The following LRCH3 variants were observed in gnomAD, a reference collection of about 807,000 sequenced individuals.
The protein encoded by LRCH3 is leucine rich repeats and calponin homology domain containing 3, also known as DISP complex protein LRCH3.
A neutral mutation model predicts 104.5 loss-of-function variants in LRCH3; 68 were observed. The observed-to-expected ratio is 0.65, with a 90% CI of 0.54 to 0.80. LRCH3 has a LOEUF of 0.80. LRCH3 is among the 30% of genes least tolerant of loss of function. The pLI is 0.00. For synonymous variants in LRCH3, 344 were observed against 361.3 expected (o/e 0.95, Z 0.54); for missense variants, 951 against 953.9 (o/e 1.00, Z 0.04).
intron 1 of LRCH3, among the ~76,000 whole-genome samples, chr3:197,799,013 C>G (rs6805176): frequency 0.036 from 5,475 of 152,176 alleles, 164 homozygotes; most frequent in African/African-American, 0.077. Context: ...ACGTTAGACT[C>G]CCCTGAGATT....
chr3:197,831,742 TG>T (rs1218390441), intron 7 of LRCH3, among the ~76,000 whole-genome samples: 2 of 151,748 alleles, frequency 1.3e-5, no homozygotes, highest in Non-Finnish European at 2.9e-5. Flanking sequence ...CTAAACCTCC[TG>T]AGTAGCTGGG....
At position 197,840,267 on chromosome 3, in the gene LRCH3, G is replaced by A. The variant is rs530544594; in HGVS notation, c.1328+870G>A. Among the ~76,000 whole-genome samples the A allele has an allele frequency of 1.1e-3, 162 of 152,132 alleles. No homozygotes were observed. The South Asian group carries it at 0.013, about 13-fold the overall frequency. On this transcript the variant is annotated intron_variant, in intron 10 of 20. Coordinates refer to ENST00000425562, the MANE Select transcript of LRCH3 (RefSeq NM_001365715.1). ...AGCCTGGCCAACGTGGTGAAACGCCGTCTCTACTAAAAATACAAAAAATAG... is the reference window on the plus strand; with the variant it reads ...AGCCTGGCCAACGTGGTGAAACGCCATCTCTACTAAAAATACAAAAAATAG...
In LRCH3 at chr3:197,830,050, G is replaced by A. The variant is rs145808440; in HGVS notation, c.887+377G>A. 4.3e-3 allele frequency among the ~76,000 whole-genome samples: 651 copies of A among 152,318 alleles called. 5 individuals carry two copies. The highest frequency in any genetic ancestry group is 0.015 in the African/African-American group (615 of 41,578). ...AACTACTGGTCTGAGTGACTTGAAC[G>A]CTAACTTTAGCTCTGCTGCTGAGGT... On this transcript the variant is annotated intron_variant, in intron 6 of 20. Transcript: ENST00000425562.
chr3:197,882,357 G>GT (rs551549947), intron 20 of LRCH3: 2 of 984,980 alleles, frequency 2.0e-6, no homozygotes, highest in South Asian at 4.7e-5. Flanking sequence ...AAAGTTGCTA[G>GT]TTTTTTTAGA....
intron 1 of LRCH3, among the ~76,000 whole-genome samples, chr3:197,801,904 C>T (rs1731939928): frequency 6.6e-6 from 1 of 152,100 alleles, no homozygotes; most frequent in Non-Finnish European, 1.5e-5. Flanking sequence ...CAAGTTCATT[C>T]GAGTTTTGGC....
rs1739475356 is a variant in LRCH3, at chr3:197,850,743, G to A, written c.1531-1818G>A. 8.3e-6 allele frequency: 11 copies of A among 1,322,794 alleles called. No individual in the cohort carries two copies. In the Admixed American group the frequency reaches 8.4e-5, roughly 10 times the overall value. The allele number at this position is 1,322,794 out of a possible 1,614,324, so 81.9% of individuals were successfully genotyped here. On this transcript the variant is annotated intron_variant, in intron 12 of 20. Coordinates refer to ENST00000425562, the MANE Select transcript of LRCH3 (RefSeq NM_001365715.1). ...TGTCCAGCCCCACTGCTTGGCCTGC[G>A]CACACCTGCCAACTCCATCATTGTA...
rs1032777621 is a variant in LRCH3, at chr3:197,856,217, G to T, written c.1644+1772G>T. Among the ~76,000 whole-genome samples, 2 of 152,040 alleles carry T rather than the reference G, an allele frequency of 1.3e-5. No homozygotes were observed. Among genetic ancestry groups the T allele is most frequent in the Non-Finnish European group, 2.9e-5 (2 of 68,022 alleles). ...CCATCTTTAACATGACTTTTCGGCA[G>T]CCCACCACCCTTAAATCAGCCCACA... On this transcript the variant is annotated intron_variant, in intron 14 of 20. Coordinates refer to ENST00000425562, the MANE Select transcript of LRCH3 (RefSeq NM_001365715.1). The surrounding 1 kb of genome is among the most constrained non-coding windows in gnomAD (Gnocchi z 4.2).
intron 1 of LRCH3, among the ~76,000 whole-genome samples, chr3:197,792,438 C>T (rs566987079): frequency 8.0e-4 from 120 of 149,300 alleles, no homozygotes; most frequent in Admixed American, 1.2e-3. Flanking sequence ...TGTCTGGTGC[C>T]CGAGTTGTTC....
intron 17 of LRCH3, among the ~76,000 whole-genome samples, chr3:197,868,748 CAATACAGCATAATTTATACA>C (rs1711647420): frequency 6.6e-6 from 1 of 152,182 alleles, no homozygotes; most frequent in Non-Finnish European, 1.5e-5. Context: ...AGAATACATA[CAATACAGCATAATTTATACA>C]AAGTTCAAAA....
chr3:197,830,677 C>T, intron 6 of LRCH3, 93 bp from the exon 7 acceptor site: 1 of 989,016 alleles, frequency 1.0e-6, no homozygotes, highest in South Asian at 1.5e-5. Context: ...GTGACTGCCA[C>T]ATTTCTTGTT....
At chr3:197,821,579 G>T (rs1425077785) in intron 4 of LRCH3, among the ~76,000 whole-genome samples, 1 of 152,120 alleles carries the variant, frequency 6.6e-6, no homozygotes, top group Non-Finnish European at 1.5e-5. Context: ...AAATTTATTG[G>T]TAAACATTCC....
intron 13 of LRCH3, among the ~76,000 whole-genome samples, chr3:197,853,245 A>G (rs1739862432): frequency 1.3e-5 from 2 of 151,660 alleles, no homozygotes; most frequent in African/African-American, 4.8e-5. Flanking sequence ...GCTGGAGTGC[A>G]GTGGCGCGAT....
chr3:197,820,582 G>A (rs1734374875), intron 4 of LRCH3, 152 bp downstream of exon 4: 1 of 599,976 alleles, frequency 1.7e-6, no homozygotes, highest in African/African-American at 1.9e-5. Flanking sequence ...AGGCCGATGA[G>A]GGAGGATTGC....
intron 15 of LRCH3, among the ~76,000 whole-genome samples, chr3:197,861,643 C>G: frequency 6.6e-6 from 1 of 152,174 alleles, no homozygotes. Flanking sequence ...ATCTCTATTA[C>G]TTTCACAGCA....
intron 20 of LRCH3, chr3:197,880,371 T>C (rs1163026895): frequency 8.8e-6 from 6 of 680,944 alleles, no homozygotes; most frequent in Admixed American, 2.7e-5. Context: ...GTTTTATTTT[T>C]GTTCCTCAAT....
At chr3:197,868,368 T>C (rs1321550832) in intron 17 of LRCH3, among the ~76,000 whole-genome samples, 3 of 152,226 alleles carry the variant, frequency 2.0e-5, no homozygotes, top group African/African-American at 7.2e-5. Context: ...AGGATATGCA[T>C]AGTTTGTATG....
At chr3:197,828,224 T>C (rs1029845500) in intron 5 of LRCH3, among the ~76,000 whole-genome samples, 1 of 152,224 alleles carries the variant, frequency 6.6e-6, no homozygotes, top group Non-Finnish European at 1.5e-5. Context: ...TTTGGTCATT[T>C]GTTTACCAGT....
chr3:197,832,244 T>TAAAGAAC lies in LRCH3; in HGVS notation c.1035_1041dup (p.Leu348ThrfsTer26). 2 of 1,613,806 alleles carry TAAAGAAC rather than the reference T, an allele frequency of 1.2e-6. No individual in the cohort carries two copies. Among genetic ancestry groups the TAAAGAAC allele is most frequent in the Non-Finnish European group, 1.7e-6 (2 of 1,179,746 alleles). The stretch of plus-strand genomic sequence containing the variant: ...TGCCTCTTCGAGTAGCAGAGATTAC[T>TAAAGAAC]AAAGAACAAAGACTACGAAGAGAAA... On this transcript the variant is annotated frameshift_variant, in exon 8 of 21. Transcript: ENST00000425562. LOFTEE classifies it high-confidence loss of function.
intron 9 of LRCH3, among the ~76,000 whole-genome samples, chr3:197,838,904 A>G (rs753733388): frequency 3.3e-5 from 5 of 152,198 alleles, no homozygotes; most frequent in Non-Finnish European, 7.3e-5. Context: ...TGCCCAGTGA[A>G]CTCACTATTA....
Sources: allele counts gnomAD v4.1 joint callset (sites outside exome capture counted in the v4.1 genomes callset), GRCh38; gene constraint gnomAD v4.1.1; non-coding constraint Gnocchi (gnomAD v3.1); transcripts MANE v1.5; gene names NCBI Gene and HGNC (gene_info 2026-07-23, HGNC 2026-07-21).